CDH2: variants seen among roughly 807,000 people sequenced by gnomAD.
CDH2 encodes cadherin 2, also known as cadherin-2.
In CDH2, 17 loss-of-function variants were observed where a neutral mutation model predicts 92.0. The ratio of observed to expected loss-of-function variants is 0.18; its 90% CI spans 0.13 to 0.28. The LOEUF (loss-of-function observed/expected upper bound fraction) is 0.28, where lower values mean the gene tolerates loss of function less well. Ranked by LOEUF, CDH2 falls within the 10% of genes least tolerant of loss-of-function variation. The pLI is 1.00. For synonymous variants in CDH2, 419 were observed against 415.9 expected, an observed-to-expected ratio of 1.01 and a Z score of -0.09; for missense variants, 862 against 1,133.1, an observed-to-expected ratio of 0.76 and a Z score of 3.44.
chr18:28,063,222 T>C lies in CDH2; in HGVS notation c.173-49313A>G, dbSNP rs141217081. On this transcript the variant is annotated intron_variant, in intron 2 of 15. Transcript: ENST00000269141. ...TATTATGGGACAAAAGAAATGCTTA[T>C]ACTGCTTTTCTTGTATCTTGAAGCT... Among the ~76,000 whole-genome samples the C allele has an allele frequency of 5.3e-5, 8 of 152,338 alleles. No individual in the cohort carries two copies. In the East Asian group the frequency reaches 9.7e-4, roughly 18 times the overall value.
chr18:28,066,075 C>T (rs1179919233), intron 2 of CDH2, among the ~76,000 whole-genome samples: 4 of 152,134 alleles, frequency 2.6e-5, no homozygotes, highest in Admixed American at 6.6e-5. Context: ...CCACATTCTA[C>T]GACTTGCGTG....
chr18:28,014,402 C>T lies in CDH2; in HGVS notation c.173-493G>A, dbSNP rs943370449. ...CAAATGTTCTTAGTTATCCTGCATA[C>T]CCTGCATACTTTCTGGCACACAGTC... On this transcript the variant is annotated intron_variant, in intron 2 of 15. Coordinates refer to ENST00000269141, the MANE Select transcript of CDH2 (RefSeq NM_001792.5). Among the ~76,000 whole-genome samples the T allele has an allele frequency of 5.9e-5, 9 of 152,244 alleles. No individual in the cohort carries two copies. The East Asian group carries it at 1.3e-3, about 23-fold the overall frequency.
intron 14 of CDH2, among the ~76,000 whole-genome samples, chr18:27,981,368 A>T (rs1452585944): frequency 6.6e-6 from 1 of 152,254 alleles, no homozygotes; most frequent in Non-Finnish European, 1.5e-5. Context: ...TAATATTCAG[A>T]GACATTTATA....
chr18:27,935,923 G>A (rs1302332308), intron 6 of CDH2, among the ~76,000 whole-genome samples: 1 of 152,090 alleles, frequency 6.6e-6, no homozygotes, highest in East Asian at 1.9e-4. Flanking sequence ...ACTTAACAAA[G>A]CCCTTTTAAG....
At chr18:28,015,429 C>A (rs1018891442) in intron 2 of CDH2, among the ~76,000 whole-genome samples, 1 of 152,068 alleles carries the variant, frequency 6.6e-6, no homozygotes, top group African/African-American at 2.4e-5. Context: ...ATCTTCCATG[C>A]CCCATGATTT....
At chr18:27,993,864 G>T (rs775669739) in intron 7 of CDH2, among the ~76,000 whole-genome samples, 1 of 152,148 alleles carries the variant, frequency 6.6e-6, no homozygotes, top group African/African-American at 2.4e-5. Context: ...TGGCAGAAAG[G>T]AATGCACTGC....
intron 14 of CDH2, among the ~76,000 whole-genome samples, chr18:27,976,237 G>A (rs991857340): frequency 6.6e-6 from 1 of 152,134 alleles, no homozygotes; most frequent in Non-Finnish European, 1.5e-5. Context: ...ATCACCTTGA[G>A]GCTGGCATTG....
intron 2 of CDH2, among the ~76,000 whole-genome samples, chr18:28,089,142 C>T (rs990427641): frequency 1.3e-5 from 2 of 152,092 alleles, no homozygotes; most frequent in African/African-American, 4.8e-5. Context: ...CTCTAGCACA[C>T]TGGAAAAGCC....
At chr18:28,020,139 C>T (rs1273064701) in intron 2 of CDH2, among the ~76,000 whole-genome samples, 1 of 152,060 alleles carries the variant, frequency 6.6e-6, no homozygotes, top group South Asian at 2.1e-4. Flanking sequence ...GACTTAGATG[C>T]AGCTAGGAAT....
chr18:28,089,483 C>A (rs993136141), intron 2 of CDH2, among the ~76,000 whole-genome samples: 8 of 152,050 alleles, frequency 5.3e-5, no homozygotes, highest in African/African-American at 1.9e-4. Flanking sequence ...TTATGCCTTA[C>A]TATACATACG....
At chr18:28,020,267 G>C (rs1309119079) in intron 2 of CDH2, among the ~76,000 whole-genome samples, 1 of 151,924 alleles carries the variant, frequency 6.6e-6, no homozygotes, top group Non-Finnish European at 1.5e-5. Flanking sequence ...AAACTGTTAA[G>C]TTACAGAATC....
chr18:27,993,333 T>G (rs151164859), intron 8 of CDH2, among the ~76,000 whole-genome samples, 167 bp downstream of exon 8: 146 of 152,342 alleles, frequency 9.6e-4, no homozygotes, highest in Non-Finnish European at 1.8e-3. Context: ...ACAAATTACT[T>G]GGATGCCTCA....
intron 2 of CDH2, among the ~76,000 whole-genome samples, chr18:28,024,236 A>G (rs1030333163): frequency 3.9e-5 from 6 of 152,102 alleles, no homozygotes; most frequent in African/African-American, 1.4e-4. Flanking sequence ...ATGAATTCCA[A>G]TTTAAGAGAA....
At chr18:27,983,133 G>C (rs1233868867) in intron 13 of CDH2, 50 bp from the exon 14 acceptor site, 1 of 1,453,336 alleles carries the variant, frequency 6.9e-7, no homozygotes, top group South Asian at 1.2e-5. Context: ...TTTAAAGCCT[G>C]GCCTATTTAG....
intron 2 of CDH2, among the ~76,000 whole-genome samples, chr18:28,073,681 A>G (rs1485089742): frequency 1.3e-5 from 2 of 152,168 alleles, no homozygotes; most frequent in Admixed American, 1.3e-4. Flanking sequence ...TGGTAAACAG[A>G]TATGTTAAAC....
At chr18:28,091,198 T>G (rs1038570664) in intron 2 of CDH2, among the ~76,000 whole-genome samples, 2 of 152,326 alleles carry the variant, frequency 1.3e-5, no homozygotes, top group Non-Finnish European at 2.9e-5. Context: ...GTTTTTTTCC[T>G]ACTAGAAATT....
chr18:28,058,042 T>C (rs763959953), intron 2 of CDH2, among the ~76,000 whole-genome samples: 4 of 152,216 alleles, frequency 2.6e-5, no homozygotes, highest in African/African-American at 4.8e-5. Flanking sequence ...TCAAGTCATA[T>C]AATTCTGCTA....
At chr18:28,060,407 G>A (rs2014379915) in intron 2 of CDH2, among the ~76,000 whole-genome samples, 1 of 152,026 alleles carries the variant, frequency 6.6e-6, no homozygotes, top group Admixed American at 6.5e-5. Context: ...GGCTGGTCTC[G>A]AGCTCCTGAA....
intron 2 of CDH2, chr18:28,146,691 A>G (rs956724049): frequency 2.6e-5 from 4 of 152,080 alleles, no homozygotes; most frequent in African/African-American, 9.7e-5. Flanking sequence ...GGTATTCTTA[A>G]GTACTATACC....
Sources: allele counts gnomAD v4.1 joint callset (sites outside exome capture counted in the v4.1 genomes callset), GRCh38; gene constraint gnomAD v4.1.1; transcripts MANE v1.5; gene names NCBI Gene and HGNC (gene_info 2026-07-23, HGNC 2026-07-21).